CYP4F8: variants seen among roughly 807,000 people sequenced by gnomAD.
The protein encoded by CYP4F8 is cytochrome P450 family 4 subfamily F member 8, also known as cytochrome P450 4F8.
A neutral mutation model predicts 55.0 loss-of-function variants in CYP4F8; 56 were observed. The observed-to-expected ratio is 1.02, with a 90% CI of 0.82 to 1.27. The LOEUF (loss-of-function observed/expected upper bound fraction) is 1.27, where lower values mean the gene tolerates loss of function less well. Among genes scored for constraint, CYP4F8 ranks in the 50% most tolerant of loss-of-function variants. The probability of loss-of-function intolerance (pLI) is 0.00; values close to 1 mark genes in which losing one functional copy is unlikely to be tolerated. For missense variants in CYP4F8, 680 were observed against 682.4 expected, an observed-to-expected ratio of 1.00 and a Z score of 0.04; for synonymous variants, 288 against 267.3, an observed-to-expected ratio of 1.08 and a Z score of -0.76.
intron 9 of CYP4F8, among the ~76,000 whole-genome samples, chr19:15,625,330 G>GTATA (rs34110364): frequency 1.4e-5 from 2 of 146,158 alleles, no homozygotes; most frequent in Non-Finnish European, 3.0e-5. Flanking sequence ...CTATGTGTGT[G>GTATA]TATATATATA....
intron 2 of CYP4F8, among the ~76,000 whole-genome samples, chr19:15,616,172 CCACTCACTCATTCCTCTCCT>C (rs1418026658): frequency 2.6e-4 from 30 of 113,874 alleles, no homozygotes; most frequent in Middle Eastern, 5.6e-3. Flanking sequence ...ATTCCTCTTC[CCACTCACTCATTCCTCTCCT>C]CACTCACTCA....
intron 12 of CYP4F8, among the ~76,000 whole-genome samples, 154 bp from the exon 13 acceptor site, chr19:15,629,039 A>C (rs1449360877): frequency 6.6e-6 from 1 of 152,064 alleles, no homozygotes; most frequent in Non-Finnish European, 1.5e-5. Flanking sequence ...GGCTCTGGGA[A>C]TATGCAAGCC....
chr19:15,616,434 G>A (rs1972123322), intron 2 of CYP4F8, among the ~76,000 whole-genome samples: 1 of 152,162 alleles, frequency 6.6e-6, no homozygotes, highest in Admixed American at 6.5e-5. Flanking sequence ...GTGAACCTCT[G>A]ATGGGTTCCT....
rs1972297148 is a variant in CYP4F8, at chr19:15,628,788, G to A, written c.1342G>A (p.Glu448Lys). The A allele has an allele frequency of 6.2e-7, 1 of 1,611,054 alleles. No homozygotes were observed. The highest frequency in any genetic ancestry group is 8.5e-7 in the Non-Finnish European group (1 of 1,178,844). ...EVYDPFRFDP[E>K]NAQKRSPMAF... ...CTATGACCCCTTCCGCTTCGACCCA[G>A]AAAACGCCCAGAAGAGGTCACCTAT... is the stretch of plus-strand genomic sequence containing the variant. The change falls in exon 12 of 13, where the codon GAA (glutamate) becomes AAA (lysine). Residue 448 changes from glutamate (E) to lysine (K), a missense_variant. By Grantham distance (56) the Glu-to-Lys change is moderately conservative. Coordinates refer to ENST00000612078, the MANE Select transcript of CYP4F8 (RefSeq NM_007253.4).
rs1972147250 is a variant in CYP4F8, at chr19:15,618,113, T to C, written c.312T>C (p.Pro104=). The change falls in exon 3 of 13, where the codon CCT becomes CCC. Residue 104 remains proline, a synonymous_variant. Coordinates refer to ENST00000612078, the MANE Select transcript of CYP4F8 (RefSeq NM_007253.4). ...PITPIINLCH[P]DIVRSVINTS... ...CTCCCATCATCAACTTGTGCCACCC[T>C]GACATCGTCCGATCTGTCATCAATA... 1.2e-6 allele frequency: 2 copies of C among 1,613,988 alleles called. No individual in the cohort carries two copies. The highest frequency in any genetic ancestry group is 1.7e-5 in the Admixed American group (1 of 60,004).
Position 15,624,982 on chromosome 19 carries a change from T to C in CYP4F8, c.1115+888T>C, listed in dbSNP as rs184763497. Reference sequence around the variant, plus strand: ...CTGTTATGCAAAATGTTGCCTCGCATTGTCTTGGACTTTATTTTTATTTTT... The same window carrying C: ...CTGTTATGCAAAATGTTGCCTCGCACTGTCTTGGACTTTATTTTTATTTTT... On this transcript the variant is annotated intron_variant, in intron 9 of 12. Transcript: ENST00000612078. Among the ~76,000 whole-genome samples, 26 of 152,236 alleles carry C rather than the reference T, an allele frequency of 1.7e-4. No individual in the cohort carries two copies. In the East Asian group the frequency reaches 2.1e-3, roughly 12 times the overall value.
At position 15,615,465 on chromosome 19, in the gene CYP4F8, TCTC is replaced by T. The variant is rs1038869257; in HGVS notation, c.-1-147_-1-145del. On this transcript the variant is annotated intron_variant, in intron 1 of 12. Transcript: ENST00000612078. ...CCTTGATCTCTAATTTTGTGTCACT[TCTC>T]CTCTCCCCTCTCCCTTGGCCTCTTC... 5.3e-5 allele frequency: 44 copies of T among 837,354 alleles called. No individual in the cohort carries two copies. In the East Asian group the frequency reaches 8.9e-4, roughly 17 times the overall value. 51.9% of individuals were successfully genotyped at this position (837,354 alleles called of 1,614,324 possible).
Position 15,628,355 on chromosome 19 carries a change from G to A in CYP4F8, c.1169G>A (p.Arg390Gln), listed in dbSNP as rs201957172. 236 of 1,613,924 alleles carry A rather than the reference G, an allele frequency of 1.5e-4. No individual in the cohort carries two copies. Among genetic ancestry groups the A allele is most frequent in the Non-Finnish European group, 1.9e-4 (219 of 1,180,020 alleles). ...ACCATGTGCCTGAAGGAGAGCCTGC[G>A]GTTGCATCCCCCAATCCCTACATTC... ...FLTMCLKESL[R>Q]LHPPIPTFAR... Residue 390 changes from arginine (R) to glutamine (Q), a missense_variant, in exon 10 of 13, where the codon CGG becomes CAG. Transcript: ENST00000612078.
At chr19:15,622,407 C>A in intron 6 of CYP4F8, 67 bp downstream of exon 6, 1 of 1,586,700 alleles carries the variant, frequency 6.3e-7, no homozygotes, top group Non-Finnish European at 8.6e-7. Context: ...GAGAGCAAAG[C>A]CCAGGGAGAC....
At chr19:15,616,876 G>T (rs899236519) in intron 2 of CYP4F8, among the ~76,000 whole-genome samples, 6 of 152,226 alleles carry the variant, frequency 3.9e-5, no homozygotes, top group Non-Finnish European at 8.8e-5. Flanking sequence ...GGAATGATGG[G>T]TGTGTCCACA....
At chr19:15,624,978 C>G (rs181996229) in intron 9 of CYP4F8, among the ~76,000 whole-genome samples, 1 of 151,888 alleles carries the variant, frequency 6.6e-6, no homozygotes, top group African/African-American at 2.4e-5. Context: ...AATGTTGCCT[C>G]GCATTGTCTT....
In CYP4F8 at chr19:15,625,334, A is replaced by G. The variant is rs868198836; in HGVS notation, c.1115+1240A>G. Among the ~76,000 whole-genome samples the G allele has an allele frequency of 3.2e-3, 465 of 147,250 alleles. 4 individuals carry two copies. The highest frequency in any genetic ancestry group is 3.7e-3 in the Non-Finnish European group (249 of 66,660). On this transcript the variant is annotated intron_variant, in intron 9 of 12. Coordinates refer to ENST00000612078, the MANE Select transcript of CYP4F8 (RefSeq NM_007253.4). ...TTCACAAGAAACTATGTGTGTGTAT[A>G]TATATATATATAGTGTATATATATA...
intron 2 of CYP4F8, among the ~76,000 whole-genome samples, chr19:15,617,570 GGA>G (rs1176751420): frequency 1.3e-5 from 2 of 151,852 alleles, no homozygotes; most frequent in Admixed American, 1.3e-4. Context: ...TCTAATCTAT[GGA>G]GAGACAGAAG....
intron 3 of CYP4F8, 164 bp from the exon 4 acceptor site, chr19:15,619,326 C>G (rs2144603040): frequency 1.4e-6 from 1 of 732,300 alleles, no homozygotes; most frequent in East Asian, 2.7e-5. Context: ...GTCCGGTCCC[C>G]TTTATGCCCC....
At chr19:15,617,700 C>T (rs759698423) in intron 2 of CYP4F8, among the ~76,000 whole-genome samples, 3 of 152,102 alleles carry the variant, frequency 2.0e-5, no homozygotes, top group African/African-American at 7.2e-5. Context: ...GGGTCCAAAG[C>T]CCTGGGAACC....
At position 15,622,270 on chromosome 19, in the gene CYP4F8, G is replaced by A; in HGVS notation, c.577G>A (p.Glu193Lys). Residue 193 changes from glutamate (E) to lysine (K), a missense_variant, in exon 6 of 13, where the codon GAG (glutamate) becomes AAG (lysine). By Grantham distance (56) the Glu-to-Lys change is moderately conservative. Coordinates refer to ENST00000612078, the MANE Select transcript of CYP4F8 (RefSeq NM_007253.4). ...GGGCAGCACCTGTCTGGATGTGTTTGAGCACATCAGCCTTATGACCCTGGA... is the reference window on the plus strand; with the variant it reads ...GGGCAGCACCTGTCTGGATGTGTTTAAGCACATCAGCCTTATGACCCTGGA... ...MEGSTCLDVF[E>K]HISLMTLDSL... 1 of 1,613,730 alleles carries A rather than the reference G, an allele frequency of 6.2e-7. No individual in the cohort carries two copies. The highest frequency in any genetic ancestry group is 8.5e-7 in the Non-Finnish European group (1 of 1,179,878).
intron 1 of CYP4F8, 87 bp downstream of exon 1, chr19:15,615,367 T>G: frequency 2.5e-6 from 1 of 402,142 alleles, no homozygotes. Flanking sequence ...TGGTGATGGG[T>G]GCTTGCAGGT....
At chr19:15,617,930 C>A in intron 2 of CYP4F8, 70 bp from the exon 3 acceptor site, 1 of 1,549,932 alleles carries the variant, frequency 6.5e-7, no homozygotes, top group Non-Finnish European at 8.7e-7. Flanking sequence ...TAATGTTTGA[C>A]TGGATATCTG....
At chr19:15,618,439 A>C (rs1972152182) in intron 3 of CYP4F8, 1 of 486,122 alleles carries the variant, frequency 2.1e-6, no homozygotes, top group Non-Finnish European at 3.8e-6. Flanking sequence ...GGAGCAGTAC[A>C]GAGACATCCC....
Sources: allele counts gnomAD v4.1 joint callset (sites outside exome capture counted in the v4.1 genomes callset), GRCh38; gene constraint gnomAD v4.1.1; transcripts MANE v1.5; gene names NCBI Gene and HGNC (gene_info 2026-07-23, HGNC 2026-07-21).